ESRRG: variants seen among roughly 807,000 people sequenced by gnomAD.
ESRRG encodes the protein estrogen related receptor gamma.
A neutral mutation model predicts 44.0 loss-of-function variants in ESRRG; 13 were observed. The ratio of observed to expected loss-of-function variants is 0.30; its 90% CI spans 0.19 to 0.47. The LOEUF is 0.47. ESRRG is among the 20% of genes least tolerant of loss of function. The pLI, the probability that ESRRG is intolerant of heterozygous loss-of-function variation, is 1.00. For missense variants in ESRRG, 395 were observed against 580.6 expected, an observed-to-expected ratio of 0.68 and a Z score of 3.29; for synonymous variants, 215 against 214.6, an observed-to-expected ratio of 1.00 and a Z score of -0.02.
intron 1 of ESRRG, among the ~76,000 whole-genome samples, chr1:217,131,763 T>C (rs891051991): frequency 6.6e-6 from 1 of 152,208 alleles, no homozygotes; most frequent in Admixed American, 6.5e-5. Flanking sequence ...GGGAAAAATT[T>C]GAGTTCAAAT....
At chr1:216,836,425 G>A (rs1020038397) in intron 2 of ESRRG, among the ~76,000 whole-genome samples, 2 of 152,134 alleles carry the variant, frequency 1.3e-5, no homozygotes, top group Admixed American at 1.3e-4. Flanking sequence ...TCAGCAGTAA[G>A]CCATTGAATT....
chr1:217,038,725 C>A (rs923038536), intron 1 of ESRRG, among the ~76,000 whole-genome samples: 1 of 152,196 alleles, frequency 6.6e-6, no homozygotes, highest in African/African-American at 2.4e-5. Flanking sequence ...CTCTGACCTG[C>A]ACTGGAGACA....
rs80084900 is a variant in ESRRG, at chr1:216,620,651, T to C, written c.589+30322A>G. 5.3e-5 allele frequency among the ~76,000 whole-genome samples: 8 copies of C among 152,270 alleles called. No individual in the cohort carries two copies. The East Asian group carries it at 1.5e-3, about 29-fold the overall frequency. On this transcript the variant is annotated intron_variant, in intron 3 of 6. Coordinates refer to ENST00000408911, the MANE Select transcript of ESRRG (RefSeq NM_001438.4). ...TTCACATTGCATTGTGGTAACAAAATGAATAAGGGGTTTAGTCATTTATAT... is the reference window on the plus strand; with the variant it reads ...TTCACATTGCATTGTGGTAACAAAACGAATAAGGGGTTTAGTCATTTATAT...
At chr1:216,535,608 C>T (rs909950429) in intron 5 of ESRRG, among the ~76,000 whole-genome samples, 33 of 152,090 alleles carry the variant, frequency 2.2e-4, no homozygotes, top group African/African-American at 7.7e-4. Context: ...CTAAGGAAGG[C>T]CTTTCCTATG....
chr1:216,712,293 T>C (rs1280165258), intron 1 of ESRRG, among the ~76,000 whole-genome samples: 1 of 152,142 alleles, frequency 6.6e-6, no homozygotes, highest in African/African-American at 2.4e-5. Context: ...GAAGAGCAAA[T>C]GCTTCATTCC....
At chr1:217,062,351 C>T (rs910873309) in intron 1 of ESRRG, among the ~76,000 whole-genome samples, 1 of 152,126 alleles carries the variant, frequency 6.6e-6, no homozygotes, top group Non-Finnish European at 1.5e-5. Context: ...CTGGAAATTT[C>T]TCTATTGGCC....
At chr1:216,557,164 T>A (rs1558474498) in intron 5 of ESRRG, among the ~76,000 whole-genome samples, 1 of 152,184 alleles carries the variant, frequency 6.6e-6, no homozygotes, top group Non-Finnish European at 1.5e-5. Context: ...TAATCAGGAA[T>A]GTTTAAAATA....
chr1:216,701,390 C>T (rs561126259), intron 1 of ESRRG: 8 of 152,290 alleles, frequency 5.3e-5, no homozygotes, highest in Admixed American at 2.0e-4. Context: ...TGTCAGGAAA[C>T]GGTAGCAGAA....
At chr1:216,806,574 C>G (rs1019998114) in intron 2 of ESRRG, among the ~76,000 whole-genome samples, 2 of 152,152 alleles carry the variant, frequency 1.3e-5, no homozygotes, top group African/African-American at 4.8e-5. Flanking sequence ...AATTCCACTA[C>G]TTCAAATTAA....
chr1:216,734,792 T>G (rs1306814068), intron 2 of ESRRG, among the ~76,000 whole-genome samples: 1 of 152,170 alleles, frequency 6.6e-6, no homozygotes, highest in Non-Finnish European at 1.5e-5. Context: ...CTAATATATT[T>G]ACCCTTTCAA....
intron 1 of ESRRG, among the ~76,000 whole-genome samples, chr1:216,956,607 T>C (rs78108723): frequency 0.039 from 5,980 of 152,238 alleles, 187 homozygotes; most frequent in Middle Eastern, 0.065. Flanking sequence ...TTCCATATTA[T>C]GGAATTTGTT....
At chr1:216,549,252 G>A (rs2055509549) in intron 5 of ESRRG, among the ~76,000 whole-genome samples, 1 of 152,070 alleles carries the variant, frequency 6.6e-6, no homozygotes, top group Non-Finnish European at 1.5e-5. Flanking sequence ...AAATCAGAGA[G>A]TTGCAAATTT....
At chr1:216,653,329 G>A (rs1279990253) in intron 2 of ESRRG, among the ~76,000 whole-genome samples, 3 of 152,076 alleles carry the variant, frequency 2.0e-5, no homozygotes, top group Non-Finnish European at 4.4e-5. Context: ...GTGGCATACC[G>A]CTGTCATCTT....
In ESRRG at chr1:216,710,328, C is replaced by A. The variant is rs143859368; in HGVS notation, c.56+12916G>T. Among the ~76,000 whole-genome samples, 11 of 152,284 alleles carry A rather than the reference C, an allele frequency of 7.2e-5. No individual in the cohort carries two copies. The East Asian group carries it at 1.4e-3, about 19-fold the overall frequency. ...AAGAAGCTGGACAAAAGCTACTGTA[C>A]AGAGCTGGAAACAAAGCCTGCCCAG... On this transcript the variant is annotated intron_variant, in intron 1 of 6. Coordinates refer to ENST00000408911, the MANE Select transcript of ESRRG (RefSeq NM_001438.4).
At chr1:216,845,420 C>T (rs2095728117) in intron 2 of ESRRG, among the ~76,000 whole-genome samples, 1 of 152,146 alleles carries the variant, frequency 6.6e-6, no homozygotes, top group South Asian at 2.1e-4. Context: ...ATTCCACCTA[C>T]TGTAGAAAAA....
chr1:216,559,137 T>G (rs1474329702), intron 5 of ESRRG, among the ~76,000 whole-genome samples: 1 of 152,148 alleles, frequency 6.6e-6, no homozygotes, highest in African/African-American at 2.4e-5. Context: ...CCCAAAGTGT[T>G]GCAATTACTG....
chr1:216,954,346 G>A (rs1420283302), intron 1 of ESRRG, among the ~76,000 whole-genome samples: 2 of 152,082 alleles, frequency 1.3e-5, no homozygotes, highest in Non-Finnish European at 2.9e-5. Context: ...GGAAAGCTCT[G>A]TAAAGATACT....
intron 1 of ESRRG, among the ~76,000 whole-genome samples, chr1:216,997,711 G>A (rs1010232568): frequency 4.6e-5 from 7 of 151,940 alleles, no homozygotes; most frequent in South Asian, 2.1e-4. Context: ...TATTCTATAC[G>A]GAAAAGCGTT....
chr1:216,570,321 A>C (rs1343708081), intron 3 of ESRRG, among the ~76,000 whole-genome samples: 1 of 152,240 alleles, frequency 6.6e-6, no homozygotes, highest in Non-Finnish European at 1.5e-5. Context: ...TTGTTCACAA[A>C]GAAGTTATAT....
Sources: allele counts gnomAD v4.1 joint callset (sites outside exome capture counted in the v4.1 genomes callset), GRCh38; gene constraint gnomAD v4.1.1; transcripts MANE v1.5; gene names NCBI Gene and HGNC (gene_info 2026-07-23, HGNC 2026-07-21).